The following CADPS2 variants were observed in gnomAD, a reference collection of about 807,000 sequenced individuals.
CADPS2 encodes calcium dependent secretion activator 2.
Under a neutral mutation model 172.5 loss-of-function variants are expected in CADPS2, and 93 were observed. The ratio of observed to expected loss-of-function variants is 0.54; its 90% CI spans 0.46 to 0.64. The LOEUF (loss-of-function observed/expected upper bound fraction) is 0.64. Among genes scored for constraint, CADPS2 ranks in the 30% least tolerant of loss-of-function variants. The probability of loss-of-function intolerance (pLI) is 0.00; values close to 1 mark genes in which losing one functional copy is unlikely to be tolerated. For synonymous variants in CADPS2, 546 were observed against 555.2 expected (o/e 0.98, Z 0.23); for missense variants, 1,420 against 1,565.9 (o/e 0.91, Z 1.57).
intron 19 of CADPS2, among the ~76,000 whole-genome samples, chr7:122,408,814 T>C (rs542558994): frequency 1.3e-5 from 2 of 152,308 alleles, no homozygotes; most frequent in South Asian, 2.1e-4. Flanking sequence ...TTAAGAACTT[T>C]CCATGTTTAT....
intron 2 of CADPS2, chr7:122,698,568 T>C (rs2085513007): frequency 2.1e-5 from 34 of 1,613,978 alleles, no homozygotes; most frequent in Non-Finnish European, 2.9e-5. Context: ...CAGTTGCCAC[T>C]TTAATTTTCT....
chr7:122,731,669 G>A (rs989039488), intron 2 of CADPS2, among the ~76,000 whole-genome samples: 3 of 141,324 alleles, frequency 2.1e-5, no homozygotes, highest in Admixed American at 7.2e-5. Flanking sequence ...AAAAGGTGAA[G>A]AGGGGAAAAA....
intron 6 of CADPS2, among the ~76,000 whole-genome samples, chr7:122,606,644 C>A (rs1024056983): frequency 2.6e-5 from 4 of 151,952 alleles, no homozygotes; most frequent in Non-Finnish European, 5.9e-5. Flanking sequence ...TAGTCTGAGA[C>A]CGACTGAGAG....
In CADPS2 at chr7:122,669,569, T is replaced by G. The variant is rs539421963; in HGVS notation, c.454-6000A>C. The stretch of plus-strand genomic sequence containing the variant: ...CTCCAGAAGGAAATGGGCTTTCACA[T>G]GAGGGAGGAAGAGTAACGATCTGAA... On this transcript the variant is annotated intron_variant, in intron 2 of 29. Coordinates refer to ENST00000449022, the MANE Select transcript of CADPS2 (RefSeq NM_017954.11). Among the ~76,000 whole-genome samples, 5 of 151,828 alleles carry G rather than the reference T, an allele frequency of 3.3e-5. No individual in the cohort carries two copies. The East Asian group carries it at 9.8e-4, about 30-fold the overall frequency.
intron 20 of CADPS2, among the ~76,000 whole-genome samples, chr7:122,405,257 A>G (rs1438536814): frequency 1.3e-5 from 2 of 152,252 alleles, no homozygotes; most frequent in Non-Finnish European, 2.9e-5. Context: ...GATAATATTA[A>G]AAACCTGACT....
chr7:122,488,935 T>C (rs1586566077), intron 11 of CADPS2, among the ~76,000 whole-genome samples: 1 of 152,230 alleles, frequency 6.6e-6, no homozygotes, highest in African/African-American at 2.4e-5. Flanking sequence ...ACCCAGAGGG[T>C]GAGAGGAAGG....
At chr7:122,368,012 C>T (rs1403508719) in intron 25 of CADPS2, 1 of 152,256 alleles carries the variant, frequency 6.6e-6, no homozygotes, top group Non-Finnish European at 1.5e-5. Context: ...CCATCTCCTT[C>T]CCCTTTTAAA....
At chr7:122,761,637 A>G (rs1271948527) in intron 1 of CADPS2, among the ~76,000 whole-genome samples, 1 of 152,038 alleles carries the variant, frequency 6.6e-6, no homozygotes, top group African/African-American at 2.4e-5. Context: ...TAAAATACAC[A>G]ACAGGAAACA....
At chr7:122,875,874 G>C (rs1473574109) in intron 1 of CADPS2, among the ~76,000 whole-genome samples, 1 of 152,166 alleles carries the variant, frequency 6.6e-6, no homozygotes, top group East Asian at 1.9e-4. Context: ...AGCTAGATGA[G>C]AGAACCACTC....
chr7:122,697,845 A>G, intron 2 of CADPS2: 1 of 1,610,110 alleles, frequency 6.2e-7, no homozygotes, highest in South Asian at 1.1e-5. Flanking sequence ...CATTATTCTG[A>G]GAAGTAGGGT....
chr7:122,435,967 G>T (rs1183701551), intron 17 of CADPS2, among the ~76,000 whole-genome samples: 1 of 152,092 alleles, frequency 6.6e-6, no homozygotes, highest in Non-Finnish European at 1.5e-5. Flanking sequence ...GGGGCTGGGA[G>T]AAGAGAACAT....
chr7:122,354,223 ATAGC>A (rs2039062684), intron 27 of CADPS2: 1 of 152,206 alleles, frequency 6.6e-6, no homozygotes, highest in South Asian at 2.1e-4. Flanking sequence ...ATGTATGATA[ATAGC>A]TAGCATTTAT....
chr7:122,556,545 T>C (rs758995235), intron 7 of CADPS2, among the ~76,000 whole-genome samples: 5 of 152,212 alleles, frequency 3.3e-5, no homozygotes, highest in African/African-American at 7.2e-5. Flanking sequence ...TTAAAACTTT[T>C]GACAATTTCT....
intron 14 of CADPS2, among the ~76,000 whole-genome samples, chr7:122,457,285 A>G (rs1452649972): frequency 6.6e-6 from 1 of 152,222 alleles, no homozygotes; most frequent in East Asian, 1.9e-4. Context: ...GTGCAAACCT[A>G]GTGCTTTACT....
intron 1 of CADPS2, among the ~76,000 whole-genome samples, chr7:122,783,957 T>C (rs1458281569): frequency 6.6e-6 from 1 of 152,200 alleles, no homozygotes; most frequent in Non-Finnish European, 1.5e-5. Context: ...ACTATAACTA[T>C]CTTTAATATT....
chr7:122,695,620 A>AT (rs574960178), intron 2 of CADPS2, among the ~76,000 whole-genome samples: 105 of 152,272 alleles, frequency 6.9e-4, no homozygotes, highest in African/African-American at 2.4e-3. Context: ...GACAGTTCCC[A>AT]TTTTCACTGA....
intron 17 of CADPS2, among the ~76,000 whole-genome samples, chr7:122,427,685 G>A (rs964050444): frequency 2.0e-5 from 3 of 152,076 alleles, no homozygotes; most frequent in Admixed American, 6.5e-5. Flanking sequence ...GTCGTCTGCC[G>A]GATCATGGGC....
At chr7:122,696,466 CTTAGA>C (rs1482311586) in intron 2 of CADPS2, among the ~76,000 whole-genome samples, 1 of 152,086 alleles carries the variant, frequency 6.6e-6, no homozygotes, top group African/African-American at 2.4e-5. Context: ...TCTTCCTGGC[CTTAGA>C]TTAGTGTCTC....
intron 2 of CADPS2, among the ~76,000 whole-genome samples, chr7:122,705,057 A>C (rs560427742): frequency 6.6e-6 from 1 of 152,162 alleles, no homozygotes; most frequent in African/African-American, 2.4e-5. Flanking sequence ...TAAATTCTCG[A>C]CACAAAATAA....
Sources: gnomAD v4.1 joint callset for allele counts (sites outside exome capture counted in the v4.1 genomes callset) on GRCh38, gnomAD v4.1.1 for gene constraint, MANE v1.5 for transcripts, NCBI Gene and HGNC (gene_info 2026-07-23, HGNC 2026-07-21) for gene names.